LAX1: variants seen among roughly 807,000 people sequenced by gnomAD.
LAX1 encodes the protein lymphocyte transmembrane adapter 1.
LAX1 carries 17 observed loss-of-function variants against 20.7 expected under a neutral mutation model. The observed-to-expected ratio is 0.82, with a 90% CI of 0.56 to 1.23. The LOEUF is 1.23. Among genes scored for constraint, LAX1 ranks in the 50% most tolerant of loss-of-function variants. LAX1 has a pLI of 0.00. For missense variants in LAX1, 470 were observed against 487.0 expected, an observed-to-expected ratio of 0.97 and a Z score of 0.33; for synonymous variants, 165 against 181.0, an observed-to-expected ratio of 0.91 and a Z score of 0.71.
At chr1:203,767,264 G>A (rs187684753) in intron 1 of LAX1, among the ~76,000 whole-genome samples, 1 of 143,364 alleles carries the variant, frequency 7.0e-6, no homozygotes, top group African/African-American at 2.6e-5. Flanking sequence ...CAACATCTCT[G>A]CAACCCCTCC....
Position 203,765,586 on chromosome 1 carries a change from C to T in LAX1, c.21C>T (p.Thr7=), listed in dbSNP as rs556537886. 9.6e-4 allele frequency: 1,548 copies of T among 1,614,140 alleles called. 21 individuals carry two copies. The South Asian group carries it at 0.016, about 17-fold the overall frequency. Residue 7 remains threonine, a synonymous_variant, in exon 1 of 5, where the codon ACC becomes ACT. Coordinates refer to ENST00000442561, the MANE Select transcript of LAX1 (RefSeq NM_017773.4). Reference sequence around the variant, plus strand: ...ATACAATGGATGGTGTCACTCCAACCCTTTCGACAATCAGAGGGAGGACCT... The same window carrying T: ...ATACAATGGATGGTGTCACTCCAACTCTTTCGACAATCAGAGGGAGGACCT... The part of the protein sequence containing the change: MDGVTP[T]LSTIRGRTLE...
chr1:203,768,321 G>T (rs1333848047), intron 1 of LAX1, among the ~76,000 whole-genome samples: 1 of 152,036 alleles, frequency 6.6e-6, no homozygotes, highest in Non-Finnish European at 1.5e-5. Context: ...CAAAAAAAAA[G>T]ATATATCAAT....
At chr1:203,772,929 GC>G (rs1365162720) in intron 4 of LAX1, among the ~76,000 whole-genome samples, 2 of 152,102 alleles carry the variant, frequency 1.3e-5, no homozygotes, top group African/African-American at 4.8e-5. Context: ...GCCCGCCTTG[GC>G]CTCCCAAAGT....
Position 203,770,571 on chromosome 1 carries a change from G to A in LAX1, c.90-257G>A, listed in dbSNP as rs573278341. Among the ~76,000 whole-genome samples the A allele has an allele frequency of 5.7e-4, 83 of 146,224 alleles. 1 individual carries two copies. The highest frequency in any genetic ancestry group is 1.6e-3 in the African/African-American group (63 of 39,252). On this transcript the variant is annotated intron_variant, in intron 1 of 4. Transcript: ENST00000442561. ...AAAGAAAGAAAGAAAGAAAGAAAGA[G>A]ATTAATAAGTTTCACATGTGAATCC...
intron 1 of LAX1, among the ~76,000 whole-genome samples, chr1:203,769,465 A>AC (rs1667366871): frequency 6.8e-6 from 1 of 146,644 alleles, no homozygotes. Context: ...AAAGAAAAGA[A>AC]AGAAAGTTGT....
At chr1:203,773,369 G>T (rs368838136) in intron 4 of LAX1, among the ~76,000 whole-genome samples, 1 of 152,048 alleles carries the variant, frequency 6.6e-6, no homozygotes, top group Admixed American at 6.6e-5. Context: ...CGGGAGAATC[G>T]ATTGAACACG....
rs1179656358 is a variant in LAX1, at chr1:203,774,240, T to C, written c.756T>C (p.Ser252=). ...TSLYSPGAED[S]DSLSNGEGSS... is the part of the protein sequence containing the mutation. ...TGTATTCTCCAGGAGCTGAGGACAG[T>C]GATTCACTCAGCAATGGAGAAGGTT... is the stretch of plus-strand genomic sequence containing the variant. Residue 252 remains serine (S), a synonymous_variant, in exon 5 of 5, where the codon AGT becomes AGC. Coordinates refer to ENST00000442561, the MANE Select transcript of LAX1 (RefSeq NM_017773.4). 3.1e-6 allele frequency: 5 copies of C among 1,613,998 alleles called. No homozygotes were observed. The East Asian group carries it at 8.9e-5, about 29-fold the overall frequency.
At chr1:203,771,828 C>T (rs571480331) in intron 3 of LAX1, among the ~76,000 whole-genome samples, 52 of 152,282 alleles carry the variant, frequency 3.4e-4, no homozygotes, top group African/African-American at 1.0e-3. Context: ...CACACAGGAG[C>T]TTGTTTCTCA....
Position 203,774,358 on chromosome 1 carries a change from A to G in LAX1, c.874A>G (p.Arg292Gly). 1 of 1,614,230 alleles carries G rather than the reference A, an allele frequency of 6.2e-7. No individual in the cohort carries two copies. ...GCTCTGGGTGGCTTTTCAGTGCTGC[A>G]GAGACTATGAAAATGTTCCAGCAGC... ...RQLWVAFQCC[R>G]DYENVPAADP... is the part of the protein sequence containing the mutation. The change falls in exon 5 of 5, where the codon AGA becomes GGA. Residue 292 changes from arginine to glycine, a missense_variant. Transcript: ENST00000442561.
intron 1 of LAX1, among the ~76,000 whole-genome samples, chr1:203,769,274 C>A (rs191980560): frequency 3.4e-4 from 51 of 151,530 alleles, no homozygotes; most frequent in African/African-American, 1.2e-3. Flanking sequence ...TGTCTATAGT[C>A]CCGGCTACTC....
chr1:203,771,399 C>T lies in LAX1; in HGVS notation c.232C>T (p.Pro78Ser), dbSNP rs1273657723. Residue 78 changes from proline to serine, a missense_variant, in exon 3 of 5, where the codon CCC becomes TCC. Pro to Ser is a moderately conservative substitution (Grantham distance 74). Coordinates refer to ENST00000442561, the MANE Select transcript of LAX1 (RefSeq NM_017773.4). ...QVPYLRVTVM[P>S]LLTLPQTRQR... ...TCCTTACCTCCGAGTTACCGTCATG[C>T]CCTTGCTGACTTTGCCACAAACCAG... The T allele has an allele frequency of 2.5e-6, 4 of 1,613,754 alleles. No individual in the cohort carries two copies. The highest frequency in any genetic ancestry group is 3.4e-6 in the Non-Finnish European group (4 of 1,179,670).
chr1:203,772,028 A>G (rs747885078), intron 3 of LAX1, 40 bp from the exon 4 acceptor site: 2 of 1,498,220 alleles, frequency 1.3e-6, no homozygotes, highest in Non-Finnish European at 9.3e-7. Context: ...AAGCACTCAG[A>G]GGACTGGCTA....
chr1:203,768,917 G>T (rs1452651581), intron 1 of LAX1, among the ~76,000 whole-genome samples: 3 of 152,154 alleles, frequency 2.0e-5, no homozygotes, highest in African/African-American at 7.2e-5. Context: ...GCCAGAATCT[G>T]CTGGTTGACT....
chr1:203,774,427 T>C lies in LAX1; in HGVS notation c.943T>C (p.Ser315Pro). The change falls in exon 5 of 5, where the codon TCC (serine) becomes CCC (proline). Residue 315 changes from serine (S) to proline (P), a missense_variant. Transcript: ENST00000442561. ...SQQQAEKDVPSSNIGHVEDKT... is the reference protein window; with the variant it reads ...SQQQAEKDVPPSNIGHVEDKT... ...GCAGCAGGCTGAGAAAGATGTGCCATCCTCAAACATAGGTCATGTCGAGGA... is the reference window on the plus strand; with the variant it reads ...GCAGCAGGCTGAGAAAGATGTGCCACCCTCAAACATAGGTCATGTCGAGGA... 1 of 1,614,212 alleles carries C rather than the reference T, an allele frequency of 6.2e-7. No individual in the cohort carries two copies. Among genetic ancestry groups the C allele is most frequent in the Non-Finnish European group, 8.5e-7 (1 of 1,180,038 alleles).
chr1:203,769,439 AAGAAG>A (rs774950934), intron 1 of LAX1, among the ~76,000 whole-genome samples: 181 of 91,426 alleles, frequency 2.0e-3, no homozygotes, highest in Admixed American at 3.4e-3. Context: ...GAAAGAAAGA[AAGAAG>A]GAAAGAAAGA....
chr1:203,772,394 T>C (rs1455267792), intron 4 of LAX1, among the ~76,000 whole-genome samples: 1 of 152,188 alleles, frequency 6.6e-6, no homozygotes, highest in Non-Finnish European at 1.5e-5. Context: ...TTCAAGTGCA[T>C]AATGTCAGAA....
Position 203,772,191 on chromosome 1 carries a change from A to G in LAX1, c.390+44A>G, listed in dbSNP as rs1667433812. ...GGGAGAATGACATGTCTCTGGCAGA[A>G]GAACTGCGGGGAAAGAGTTATAGGG... On this transcript the variant is annotated intron_variant, in intron 4 of 4. Coordinates refer to ENST00000442561, the MANE Select transcript of LAX1 (RefSeq NM_017773.4). The G allele has an allele frequency of 2.1e-6, 3 of 1,442,588 alleles. No individual in the cohort carries two copies. In the East Asian group the frequency reaches 6.8e-5, roughly 33 times the overall value. 89.4% of individuals were successfully genotyped at this position (1,442,588 alleles called of 1,614,324 possible). A position where few individuals can be genotyped will look rare whatever the true frequency, so the allele number is the denominator to read the frequency against.
In LAX1 at chr1:203,765,347, G is replaced by T. The variant is rs777870867; in HGVS notation, c.-219G>T. The T allele has an allele frequency of 6.9e-5, 107 of 1,551,696 alleles. 1 individual carries two copies. The South Asian group carries it at 1.2e-3, about 18-fold the overall frequency. ...ACTTGGAAGCACCATGTCCGGATGA[G>T]ATCGCACTTCCTGCAGTGGGCATTA... On this transcript the variant is annotated 5_prime_UTR_variant, in exon 1 of 5. Coordinates refer to ENST00000442561, the MANE Select transcript of LAX1 (RefSeq NM_017773.4).
Position 203,767,303 on chromosome 1 carries a change from C to CTTTT in LAX1, c.89+1667_89+1670dup, listed in dbSNP as rs755164305. On this transcript the variant is annotated intron_variant, in intron 1 of 4. Coordinates refer to ENST00000442561, the MANE Select transcript of LAX1 (RefSeq NM_017773.4). ...GTAACCACCATTCTACTCTCCACTT[C>CTTTT]TTTTTTTTTTTTTTTTTTTTTGAGA... 1.9e-3 allele frequency among the ~76,000 whole-genome samples: 175 copies of CTTTT among 90,432 alleles called. 13 individuals carry two copies. Among genetic ancestry groups the CTTTT allele is most frequent in the East Asian group, 5.6e-3 (7 of 1,250 alleles). The allele number at this position is 90,432 out of a possible 152,430, so 59.3% of individuals were successfully genotyped here.
Sources: gnomAD v4.1 joint callset for allele counts (sites outside exome capture counted in the v4.1 genomes callset) on GRCh38, gnomAD v4.1.1 for gene constraint, MANE v1.5 for transcripts, NCBI Gene and HGNC (gene_info 2026-07-23, HGNC 2026-07-21) for gene names.